Variants in HADHB observed in about 807,000 individuals in gnomAD.
HADHB encodes trifunctional enzyme subunit beta, mitochondrial.
A neutral mutation model predicts 61.9 loss-of-function variants in HADHB; 50 were observed. That is an observed-to-expected ratio of 0.81 (90% CI 0.64 to 1.02). HADHB has a LOEUF of 1.02. Among genes scored for constraint, HADHB ranks in the 50% least tolerant of loss-of-function variants. The pLI is 0.00. For synonymous variants in HADHB, 191 were observed against 201.6 expected (o/e 0.95, Z 0.45); for missense variants, 504 against 586.5 (o/e 0.86, Z 1.45).
At chr2:26,273,218 T>C (rs1485181879) in intron 5 of HADHB, among the ~76,000 whole-genome samples, 1 of 151,850 alleles carries the variant, frequency 6.6e-6, no homozygotes, top group Admixed American at 6.5e-5. Context: ...TTGATACTGA[T>C]ATTTCAAACT....
chr2:26,251,348 A>G, intron 1 of HADHB, among the ~76,000 whole-genome samples: 1 of 151,644 alleles, frequency 6.6e-6, no homozygotes, highest in Non-Finnish European at 1.5e-5. Context: ...CACCATGCCC[A>G]GCTAGTTTTT....
intron 1 of HADHB, among the ~76,000 whole-genome samples, chr2:26,253,595 G>A (rs1167191263): frequency 6.6e-6 from 1 of 152,128 alleles, no homozygotes; most frequent in South Asian, 2.1e-4. Context: ...GCTCACGCCT[G>A]TAATCCCAGC....
chr2:26,250,296 G>A (rs1235724305), intron 1 of HADHB, among the ~76,000 whole-genome samples: 5 of 152,278 alleles, frequency 3.3e-5, no homozygotes, highest in Middle Eastern at 3.4e-3. Context: ...GAGCCACTGC[G>A]CCTGGCCTTA....
rs1574664257 is a variant in HADHB at position 26,279,992 on chromosome 2, AG to A, written c.812del. 1.2e-6 allele frequency: 2 copies of A among 1,606,346 alleles called. No homozygotes were observed. The highest frequency in any genetic ancestry group is 1.7e-6 in the Non-Finnish European group (2 of 1,174,722). ...AGTTAAAAAAATTCATTTTTTTAAT[AG>A]GAAAAGATACAGTTACCAAAGATAA... On this transcript the variant is annotated splice_acceptor_variant, in intron 9 of 15. Coordinates refer to ENST00000317799, the MANE Select transcript of HADHB (RefSeq NM_000183.3). LOFTEE classifies it high-confidence loss of function.
rs1558360731 is a variant in HADHB at position 26,284,191 on chromosome 2, AT to A, written c.1137del (p.His379GlnfsTer76). Reference sequence around the variant, plus strand: ...AATGATATTGATGCTTTTGAATTTCATGAAGCTTTCTCGGTAAGTAATTTGA... The same window carrying A: ...AATGATATTGATGCTTTTGAATTTCAGAAGCTTTCTCGGTAAGTAATTTGA... ...TMNDIDAFEF[H>X]EAFSGQILAN... is the part of the protein sequence containing the mutation. On this transcript the variant is annotated frameshift_variant, in exon 13 of 16. Coordinates refer to ENST00000317799, the MANE Select transcript of HADHB (RefSeq NM_000183.3). LOFTEE classifies it high-confidence loss of function. 1.9e-6 allele frequency: 3 copies of A among 1,562,300 alleles called. No homozygotes were observed. The highest frequency in any genetic ancestry group is 3.3e-5 in the Admixed American group (2 of 59,946).
intron 10 of HADHB, among the ~76,000 whole-genome samples, chr2:26,280,935 A>C (rs1037210126): frequency 2.0e-5 from 3 of 149,944 alleles, no homozygotes; most frequent in Admixed American, 2.0e-4. Context: ...TATGAGAGCA[A>C]GGGGTTCTTT....
intron 6 of HADHB, among the ~76,000 whole-genome samples, chr2:26,275,813 A>G (rs1049134835): frequency 2.4e-4 from 36 of 152,154 alleles, no homozygotes. Context: ...GGTAAATAGC[A>G]TAAAAGTAAG....
At chr2:26,278,893 C>G (rs1672669265) in intron 8 of HADHB, 92 bp downstream of exon 8, 3 of 1,138,214 alleles carry the variant, frequency 2.6e-6, no homozygotes, top group Admixed American at 1.7e-5. Flanking sequence ...GGTGTAGATT[C>G]TGTAGTTACA....
intron 1 of HADHB, among the ~76,000 whole-genome samples, chr2:26,246,792 TATA>T (rs143044370): frequency 0.015 from 2,309 of 152,294 alleles, 56 homozygotes; most frequent in African/African-American, 0.051. Context: ...GCAGAAATGT[TATA>T]ATGTTTCTTT....
chr2:26,247,889 T>A (rs1299548241), intron 1 of HADHB, among the ~76,000 whole-genome samples: 6 of 152,166 alleles, frequency 3.9e-5, no homozygotes, highest in Non-Finnish European at 2.9e-5. Context: ...CAATCCCCCT[T>A]GGATACTGAG....
At chr2:26,256,952 GT>G (rs1005124572) in intron 3 of HADHB, among the ~76,000 whole-genome samples, 9 of 152,150 alleles carry the variant, frequency 5.9e-5, no homozygotes, top group Admixed American at 2.0e-4. Flanking sequence ...TCATATGGTA[GT>G]TTTCTGCTGT....
At chr2:26,266,155 A>G (rs879469097) in intron 4 of HADHB, among the ~76,000 whole-genome samples, 8 of 151,694 alleles carry the variant, frequency 5.3e-5, no homozygotes, top group Non-Finnish European at 8.8e-5. Flanking sequence ...AGTCCTAGCT[A>G]CTTGGGAGGC....
At chr2:26,262,314 T>G (rs1574649648) in intron 3 of HADHB, among the ~76,000 whole-genome samples, 2 of 152,360 alleles carry the variant, frequency 1.3e-5, no homozygotes, top group East Asian at 1.9e-4. Flanking sequence ...TAGATTTTGA[T>G]ATACTAACAT....
rs549655257 is a variant in HADHB, at chr2:26,276,248, A to G, written c.355-825A>G. 7.9e-5 allele frequency among the ~76,000 whole-genome samples: 12 copies of G among 152,346 alleles called. No individual in the cohort carries two copies. In the South Asian group the frequency reaches 2.5e-3, roughly 32 times the overall value. ...TAATAGAGGCCATTTTTAAAAGATT[A>G]ATAATGACCTCAGTTTTTCTTAAAG... On this transcript the variant is annotated intron_variant, in intron 6 of 15. Transcript: ENST00000317799.
chr2:26,269,153 A>G (rs1218917009), intron 4 of HADHB, among the ~76,000 whole-genome samples: 1 of 151,838 alleles, frequency 6.6e-6, no homozygotes, highest in African/African-American at 2.4e-5. Context: ...CCGTCTTAAA[A>G]AAAAAAAAAA....
At chr2:26,246,640 C>T (rs1671176741) in intron 1 of HADHB, among the ~76,000 whole-genome samples, 1 of 152,160 alleles carries the variant, frequency 6.6e-6, no homozygotes, top group African/African-American at 2.4e-5. Flanking sequence ...CACGCCCGAC[C>T]TTACAACTCT....
intron 3 of HADHB, among the ~76,000 whole-genome samples, chr2:26,258,590 C>T (rs1671732825): frequency 6.6e-6 from 1 of 152,112 alleles, no homozygotes. Context: ...TGGCGAACAG[C>T]GGGTCTGTGA....
At chr2:26,257,730 C>G (rs1013022961) in intron 3 of HADHB, among the ~76,000 whole-genome samples, 10 of 151,976 alleles carry the variant, frequency 6.6e-5, no homozygotes, top group African/African-American at 2.4e-4. Context: ...AGATTTCTTC[C>G]CACTTGTGGC....
intron 6 of HADHB, among the ~76,000 whole-genome samples, chr2:26,274,521 C>T (rs1672466609): frequency 6.6e-6 from 1 of 152,164 alleles, no homozygotes; most frequent in African/African-American, 2.4e-5. Flanking sequence ...TGTTCTGTTC[C>T]ACCTCTGTAC....
Sources: gnomAD v4.1 joint callset for allele counts (sites outside exome capture counted in the v4.1 genomes callset) on GRCh38, gnomAD v4.1.1 for gene constraint, MANE v1.5 for transcripts, NCBI Gene and HGNC (gene_info 2026-07-23, HGNC 2026-07-21) for gene names.